HEBP2: variants seen among roughly 807,000 people sequenced by gnomAD.
The protein encoded by HEBP2 is heme binding protein 2, also known as heme-binding protein 2.
HEBP2 carries 27 observed loss-of-function variants against 23.1 expected under a neutral mutation model. The ratio of observed to expected loss-of-function variants is 1.17; its 90% CI spans 0.86 to 1.61. The LOEUF (loss-of-function observed/expected upper bound fraction) is 1.61. Among genes scored for constraint, HEBP2 ranks in the 40% most tolerant of loss-of-function variants. The pLI is 0.00. For synonymous variants in HEBP2, 99 were observed against 95.1 expected (o/e 1.04, Z -0.24); for missense variants, 245 against 253.8 (o/e 0.97, Z 0.24).
chr6:138,412,822 G>A, intron 3 of HEBP2, 58 bp from the exon 4 acceptor site: 1 of 1,452,712 alleles, frequency 6.9e-7, no homozygotes, highest in Admixed American at 1.7e-5. Flanking sequence ...TTTTGCTTCA[G>A]ACTGACATTC....
At position 138,410,240 on chromosome 6, in the gene HEBP2, G is replaced by T. The variant is rs190132639; in HGVS notation, c.420-2640G>T. On this transcript the variant is annotated intron_variant, in intron 3 of 3. Coordinates refer to ENST00000607197, the MANE Select transcript of HEBP2 (RefSeq NM_014320.3). ...TTCCAGCCCCTGGCAAGGCAGGCAC[G>T]TGGGGGTGAGGGAGGCAAGCACCAT... Among the ~76,000 whole-genome samples the T allele has an allele frequency of 5.9e-4, 90 of 152,314 alleles. No homozygotes were observed. The Middle Eastern group carries it at 0.01, about 17-fold the overall frequency.
chr6:138,412,612 T>C (rs2114773239), intron 3 of HEBP2, among the ~76,000 whole-genome samples: 1 of 152,212 alleles, frequency 6.6e-6, no homozygotes, highest in Middle Eastern at 3.4e-3. Flanking sequence ...CGCCACCACA[T>C]CTGGCTAAGT....
Position 138,404,308 on chromosome 6 carries a change from G to T in HEBP2, c.-188G>T. 2.9e-6 allele frequency: 1 copy of T among 347,054 alleles called. No individual in the cohort carries two copies. 21.5% of individuals were successfully genotyped at this position (347,054 alleles called of 1,614,324 possible). On this transcript the variant is annotated 5_prime_UTR_variant, in exon 1 of 4. Coordinates refer to ENST00000607197, the MANE Select transcript of HEBP2 (RefSeq NM_014320.3). ...CGTGAGCCGGCCCCGCCTTGGTGGCGGCGCCCCCTCGCGGTCCAGAGGCAG... is the reference window on the plus strand; with the variant it reads ...CGTGAGCCGGCCCCGCCTTGGTGGCTGCGCCCCCTCGCGGTCCAGAGGCAG...
rs1157748581 is a variant in HEBP2 at position 138,412,909 on chromosome 6, A to G, written c.449A>G (p.Lys150Arg). Reference sequence around the variant, plus strand: ...TTCGATGGATTTTCTAGTGCCCAAAAGAATCAAGAACAACTTTTGACATTA... The same window carrying G: ...TTCGATGGATTTTCTAGTGCCCAAAGGAATCAAGAACAACTTTTGACATTA... ...RSFDGFSSAQ[K>R]NQEQLLTLAS... Residue 150 changes from lysine (K) to arginine (R), a missense_variant, in exon 4 of 4, where the codon AAG becomes AGG. By Grantham distance (26) the Lys-to-Arg change is conservative. Transcript: ENST00000607197. The G allele has an allele frequency of 6.2e-7, 1 of 1,613,988 alleles. No individual in the cohort carries two copies. The highest frequency in any genetic ancestry group is 1.7e-5 in the Admixed American group (1 of 60,008).
chr6:138,411,976 A>G lies in HEBP2; in HGVS notation c.420-904A>G, dbSNP rs1374174924. On this transcript the variant is annotated intron_variant, in intron 3 of 3. Coordinates refer to ENST00000607197, the MANE Select transcript of HEBP2 (RefSeq NM_014320.3). ...AACAAACAAAAAAACCTCAGGATGT[A>G]TAGAGAGAGCTGCCAGAACGTTGAT... 2.8e-5 allele frequency: 11 copies of G among 397,792 alleles called. No individual in the cohort carries two copies. The East Asian group carries it at 3.4e-4, about 12-fold the overall frequency. 24.6% of individuals were successfully genotyped at this position (397,792 alleles called of 1,614,324 possible). A position where few individuals can be genotyped will look rare whatever the true frequency, so the allele number is the denominator to read the frequency against.
rs1450273369 is a variant in HEBP2 at position 138,405,288 on chromosome 6, C to T, written c.238+8C>T. 1 of 1,613,860 alleles carries T rather than the reference C, an allele frequency of 6.2e-7. No homozygotes were observed. The highest frequency in any genetic ancestry group is 1.3e-5 in the African/African-American group (1 of 74,906). On this transcript the variant is annotated splice_region_variant and intron_variant, in intron 2 of 3. Coordinates refer to ENST00000607197, the MANE Select transcript of HEBP2 (RefSeq NM_014320.3). The stretch of plus-strand genomic sequence containing the variant: ...AAGGCAAAAACGAGAAAGGTAAAAG[C>T]AGTTTTCCTTGTAATTATGCATATT...
intron 3 of HEBP2, among the ~76,000 whole-genome samples, chr6:138,406,830 C>A (rs999725460): frequency 3.9e-5 from 6 of 151,966 alleles, no homozygotes; most frequent in Non-Finnish European, 7.4e-5. Context: ...AGTTAGAGAC[C>A]AGCCTGGGCA....
Position 138,405,137 on chromosome 6 carries a change from C to T in HEBP2, c.103-8C>T, listed in dbSNP as rs1390102737. On this transcript the variant is annotated splice_polypyrimidine_tract_variant and splice_region_variant and intron_variant, in intron 1 of 3. Coordinates refer to ENST00000607197, the MANE Select transcript of HEBP2 (RefSeq NM_014320.3). Reference sequence around the variant, plus strand: ...TTGCTTCTCGAAGTTTTCTCTGTTCCACTTTAGCCCGGAAGTTATGAGATC... The same window carrying T: ...TTGCTTCTCGAAGTTTTCTCTGTTCTACTTTAGCCCGGAAGTTATGAGATC... The T allele has an allele frequency of 1.9e-5, 30 of 1,605,024 alleles. No individual in the cohort carries two copies. The East Asian group carries it at 6.7e-4, about 36-fold the overall frequency.
At chr6:138,405,003 G>C in intron 1 of HEBP2, 142 bp from the exon 2 acceptor site, 1 of 822,824 alleles carries the variant, frequency 1.2e-6, no homozygotes, top group Non-Finnish European at 1.9e-6. Context: ...TAAGGAGCGG[G>C]GACCTCAGGC....
At chr6:138,407,610 T>G (rs566042622) in intron 3 of HEBP2, among the ~76,000 whole-genome samples, 14 of 152,304 alleles carry the variant, frequency 9.2e-5, no homozygotes, top group African/African-American at 3.4e-4. Context: ...CCGGTGGCCC[T>G]CCCAGTCTGG....
rs1774871716 is a variant in HEBP2, at chr6:138,418,481, T to A, written c.*5403T>A. ...ATGCTGTATCCAGAACTGCTCATCT[T>A]AACTAGGTCCTGTGGGAAGCACTAA... On this transcript the variant is annotated 3_prime_UTR_variant, in exon 4 of 4. Transcript: ENST00000607197. 1 of 152,414 alleles carries A rather than the reference T, an allele frequency of 6.6e-6. No homozygotes were observed. The highest frequency in any genetic ancestry group is 1.9e-4 in the East Asian group (1 of 5,194). 9.4% of individuals were successfully genotyped at this position (152,414 alleles called of 1,614,324 possible). A position where few individuals can be genotyped will look rare whatever the true frequency, so the allele number is the denominator to read the frequency against.
At chr6:138,412,218 C>T (rs1296627213) in intron 3 of HEBP2, 1 of 349,296 alleles carries the variant, frequency 2.9e-6, no homozygotes, top group African/African-American at 2.2e-5. Flanking sequence ...TCTCAGGCCC[C>T]ACCCCAGACC....
In HEBP2 at chr6:138,421,922, CCTT is replaced by C. The variant is rs1331080471; in HGVS notation, c.*8847_*8849del. Reference sequence around the variant, plus strand: ...GTTGGGTTGTCACCTCCCCCAGAGACCTTCTGGTCTCACTGCTTTTCTGTTTGT... The same window carrying C: ...GTTGGGTTGTCACCTCCCCCAGAGACCTGGTCTCACTGCTTTTCTGTTTGT... On this transcript the variant is annotated 3_prime_UTR_variant, in exon 4 of 4. Coordinates refer to ENST00000607197, the MANE Select transcript of HEBP2 (RefSeq NM_014320.3). 7.9e-5 allele frequency: 12 copies of C among 152,274 alleles called. No individual in the cohort carries two copies. Among genetic ancestry groups the C allele is most frequent in the African/African-American group, 2.9e-4 (12 of 41,536 alleles). The allele number at this position is 152,274 out of a possible 1,614,324, so 9.4% of individuals were successfully genotyped here.
chr6:138,405,427 C>A, intron 2 of HEBP2, 147 bp downstream of exon 2: 1 of 1,000,492 alleles, frequency 1.0e-6, no homozygotes, highest in Non-Finnish European at 1.5e-6. Flanking sequence ...CAAGACTCCT[C>A]AGGACCAGGG....
Position 138,415,305 on chromosome 6 carries a change from TGA to T in HEBP2, c.*2229_*2230del. On this transcript the variant is annotated 3_prime_UTR_variant, in exon 4 of 4. Transcript: ENST00000607197. Reference sequence around the variant, plus strand: ...AGGTGGTAAGACAGCATTTGCAGGCTGAGTGACTCACTGTCTGGCTGGCTCGG... The same window carrying T: ...AGGTGGTAAGACAGCATTTGCAGGCTGTGACTCACTGTCTGGCTGGCTCGG... The T allele has an allele frequency of 6.6e-6, 1 of 152,318 alleles. No homozygotes were observed. Among genetic ancestry groups the T allele is most frequent in the East Asian group, 1.9e-4 (1 of 5,172 alleles). 9.4% of individuals were successfully genotyped at this position (152,318 alleles called of 1,614,324 possible).
intron 3 of HEBP2, among the ~76,000 whole-genome samples, chr6:138,409,375 G>A (rs1774705463): frequency 7.0e-6 from 1 of 142,420 alleles, no homozygotes; most frequent in South Asian, 2.3e-4. Context: ...CCTGACAATT[G>A]ATTGTCAAAT....
chr6:138,405,340 G>A (rs913833983), intron 2 of HEBP2, 60 bp downstream of exon 2: 172 of 1,582,814 alleles, frequency 1.1e-4, no homozygotes, highest in Non-Finnish European at 1.4e-4. Context: ...GCTTATTATT[G>A]AGTTTTAGCT....
intron 3 of HEBP2, among the ~76,000 whole-genome samples, chr6:138,411,619 G>T (rs9495079): frequency 6.6e-6 from 1 of 152,122 alleles, no homozygotes; most frequent in African/African-American, 2.4e-5. Context: ...GATTTAATCA[G>T]GTCCTCAACG....
rs1009421176 is a variant in HEBP2 at position 138,422,135 on chromosome 6, G to T, written c.*9057G>T. On this transcript the variant is annotated 3_prime_UTR_variant, in exon 4 of 4. Coordinates refer to ENST00000607197, the MANE Select transcript of HEBP2 (RefSeq NM_014320.3). ...ATTTAAAAATAGTTTTATAATTAGT[G>T]TTATGTTGCTTTATCTTATCTTTGC... 1 of 152,130 alleles carries T rather than the reference G, an allele frequency of 6.6e-6. No homozygotes were observed. Among genetic ancestry groups the T allele is most frequent in the Admixed American group, 6.5e-5 (1 of 15,276 alleles). 9.4% of individuals were successfully genotyped at this position (152,130 alleles called of 1,614,324 possible).
Sources: allele counts gnomAD v4.1 joint callset (sites outside exome capture counted in the v4.1 genomes callset), GRCh38; gene constraint gnomAD v4.1.1; transcripts MANE v1.5; gene names NCBI Gene and HGNC (gene_info 2026-07-23, HGNC 2026-07-21).